The following FUT8 variants were observed in gnomAD, a reference collection of about 807,000 sequenced individuals.
FUT8 encodes the protein alpha-(1,6)-fucosyltransferase.
A neutral mutation model predicts 71.3 loss-of-function variants in FUT8; 29 were observed. The observed-to-expected ratio is 0.41, with a 90% CI of 0.30 to 0.55. The LOEUF (loss-of-function observed/expected upper bound fraction) is 0.55, where lower values mean the gene tolerates loss of function less well. FUT8 is among the 20% of genes least tolerant of loss of function. FUT8 has a pLI of 0.34. For synonymous variants in FUT8, 254 were observed against 239.3 expected, an observed-to-expected ratio of 1.06 and a Z score of -0.57; for missense variants, 544 against 702.1, an observed-to-expected ratio of 0.77 and a Z score of 2.55.
chr14:65,372,237 T>C, the FUT8 span, among the ~76,000 whole-genome samples: 5 of 152,164 alleles, frequency 3.3e-5, no homozygotes, highest in African/African-American at 1.2e-4. Flanking sequence ...CACATGGAGA[T>C]CCTCATCCAC....
At chr14:65,605,637 T>TA (rs1440127546) in intron 3 of FUT8, among the ~76,000 whole-genome samples, 3 of 152,024 alleles carry the variant, frequency 2.0e-5, no homozygotes, top group Non-Finnish European at 4.4e-5. Context: ...CATGGACTTC[T>TA]AGCCTCCAGA....
chr14:65,422,137 T>G (rs753809488), intron 1 of FUT8, among the ~76,000 whole-genome samples: 9 of 152,126 alleles, frequency 5.9e-5, no homozygotes, highest in Non-Finnish European at 1.3e-4. Flanking sequence ...TATTGTTCAA[T>G]AATAAAAGAA....
chr14:65,402,559 T>C, the FUT8 span, among the ~76,000 whole-genome samples: 1 of 152,164 alleles, frequency 6.6e-6, no homozygotes, highest in Admixed American at 6.5e-5. Context: ...TCGCAGCTAC[T>C]TGGGAGGCTG....
At chr14:65,633,911 C>T (rs571516288) in intron 6 of FUT8, among the ~76,000 whole-genome samples, 13 of 151,438 alleles carry the variant, frequency 8.6e-5, no homozygotes, top group Admixed American at 5.2e-4. Flanking sequence ...TCAGCCCCCG[C>T]CCGGCCAGCT....
intron 9 of FUT8, among the ~76,000 whole-genome samples, chr14:65,725,027 G>A (rs934042473): frequency 5.3e-5 from 8 of 152,134 alleles, no homozygotes; most frequent in African/African-American, 1.7e-4. Context: ...CAGACTGTTA[G>A]CAATAAAACC....
At chr14:65,733,739 A>G (rs1216572303) in intron 10 of FUT8, among the ~76,000 whole-genome samples, 1 of 152,154 alleles carries the variant, frequency 6.6e-6, no homozygotes, top group Non-Finnish European at 1.5e-5. Context: ...ACCAGAATCC[A>G]TCCATTTCTA....
At chr14:65,519,649 T>C (rs940012615) in intron 2 of FUT8, among the ~76,000 whole-genome samples, 8 of 152,244 alleles carry the variant, frequency 5.3e-5, no homozygotes, top group Non-Finnish European at 2.9e-5. Flanking sequence ...TACTGGTTGA[T>C]GGTCCGTTGT....
intron 7 of FUT8, among the ~76,000 whole-genome samples, chr14:65,707,499 C>T (rs1348486761): frequency 2.6e-5 from 4 of 151,832 alleles, no homozygotes; most frequent in African/African-American, 9.7e-5. Flanking sequence ...TATTTTGATT[C>T]AGTTCCATTT....
At chr14:65,394,125 T>A in the FUT8 span, among the ~76,000 whole-genome samples, 1 of 152,090 alleles carries the variant, frequency 6.6e-6, no homozygotes, top group Non-Finnish European at 1.5e-5. Context: ...CCTGGCTAAT[T>A]TTTTTGTATT....
intron 6 of FUT8, among the ~76,000 whole-genome samples, chr14:65,648,720 T>G (rs1355571107): frequency 2.0e-5 from 3 of 152,192 alleles, no homozygotes; most frequent in African/African-American, 7.2e-5. Context: ...GCTAATGAAA[T>G]CAGTTTTCAT....
intron 2 of FUT8, among the ~76,000 whole-genome samples, chr14:65,553,085 A>T (rs569612374): frequency 1.4e-4 from 21 of 152,238 alleles, no homozygotes; most frequent in Non-Finnish European, 1.9e-4. Context: ...CCTCCCAAGG[A>T]GCTGGGACTA....
chr14:65,494,869 G>A (rs559893080), intron 2 of FUT8, among the ~76,000 whole-genome samples: 1 of 152,064 alleles, frequency 6.6e-6, no homozygotes, highest in Non-Finnish European at 1.5e-5. Flanking sequence ...TGGGGAGGAA[G>A]GTTTACCAAA....
chr14:65,430,784 C>A (rs867333715), intron 1 of FUT8, among the ~76,000 whole-genome samples: 1 of 151,828 alleles, frequency 6.6e-6, no homozygotes, highest in African/African-American at 2.4e-5. Context: ...GAAAAGTAGA[C>A]GTACAGAACA....
At position 65,413,606 on chromosome 14, in the gene FUT8, G is replaced by C. The variant is rs117092881; in HGVS notation, c.-326+392G>C. ...CACACCTACCTTCCCTTCGTCAGCA[G>C]CTCGGTCCCTGGAGTCGCGGTTTGT... On this transcript the variant is annotated intron_variant, in intron 1 of 10. Transcript: ENST00000673929. The surrounding 1 kb of genome is among the most constrained non-coding windows in gnomAD (Gnocchi z 4.1). Among the ~76,000 whole-genome samples, 865 of 152,326 alleles carry C rather than the reference G, an allele frequency of 5.7e-3. 31 individuals carry two copies. The East Asian group carries it at 0.092, about 16-fold the overall frequency.
At chr14:65,658,272 T>C (rs1425815049) in intron 6 of FUT8, among the ~76,000 whole-genome samples, 2 of 152,208 alleles carry the variant, frequency 1.3e-5, no homozygotes, top group African/African-American at 2.4e-5. Flanking sequence ...ATTAGTCACC[T>C]GTCAGAATGA....
At chr14:65,455,058 T>C (rs1428993488) in intron 1 of FUT8, among the ~76,000 whole-genome samples, 1 of 152,130 alleles carries the variant, frequency 6.6e-6, no homozygotes, top group Admixed American at 6.5e-5. Flanking sequence ...ATGCATTGAT[T>C]GATAAAGGAG....
intron 7 of FUT8, among the ~76,000 whole-genome samples, chr14:65,698,823 T>G (rs1894131611): frequency 6.6e-6 from 1 of 152,200 alleles, no homozygotes; most frequent in African/African-American, 2.4e-5. Flanking sequence ...TTTATTTGCC[T>G]GCAATAGTGG....
chr14:65,646,641 A>C (rs1288425085), intron 6 of FUT8: 2 of 151,542 alleles, frequency 1.3e-5, no homozygotes, highest in African/African-American at 4.9e-5. Context: ...GTTATGGCAG[A>C]CCATAACTGA....
the FUT8 span, among the ~76,000 whole-genome samples, chr14:65,376,944 C>T: frequency 6.6e-6 from 1 of 152,116 alleles, no homozygotes; most frequent in Non-Finnish European, 1.5e-5. Flanking sequence ...CTCAGGTAGC[C>T]CGGAAGAGCC....
Sources: gnomAD v4.1 joint callset for allele counts (sites outside exome capture counted in the v4.1 genomes callset) on GRCh38, gnomAD v4.1.1 for gene constraint, Gnocchi (gnomAD v3.1) non-coding constraint, MANE v1.5 for transcripts, NCBI Gene and HGNC (gene_info 2026-07-23, HGNC 2026-07-21) for gene names.